Variants in MNAT1 observed in about 807,000 individuals in gnomAD.
MNAT1 encodes the protein MNAT1 component of CDK activating kinase, also known as CDK-activating kinase assembly factor MAT1.
Under a neutral mutation model 42.0 loss-of-function variants are expected in MNAT1, and 43 were observed. The observed-to-expected ratio is 1.02, with a 90% CI of 0.80 to 1.32. The LOEUF (loss-of-function observed/expected upper bound fraction) is 1.32. Among genes scored for constraint, MNAT1 ranks in the 40% most tolerant of loss-of-function variants. The pLI, the probability that MNAT1 is intolerant of heterozygous loss-of-function variation, is 0.00. For synonymous variants in MNAT1, 118 were observed against 120.0 expected, an observed-to-expected ratio of 0.98 and a Z score of 0.11; for missense variants, 306 against 350.4, an observed-to-expected ratio of 0.87 and a Z score of 1.01.
rs557606071 is a variant in MNAT1, at chr14:60,939,236, G to A, written c.810-28993G>A. 6.0e-4 allele frequency among the ~76,000 whole-genome samples: 91 copies of A among 152,272 alleles called. No individual in the cohort carries two copies. In the Middle Eastern group the frequency reaches 0.01, roughly 17 times the overall value. On this transcript the variant is annotated intron_variant, in intron 7 of 7. Coordinates refer to ENST00000261245, the MANE Select transcript of MNAT1 (RefSeq NM_002431.4). ...GTTTTTTGTGTGTCTATCTCCTTCA[G>A]TTCTGCTCTGACTTAGTTATTTCTT...
chr14:60,796,107 G>A (rs1306131459), intron 1 of MNAT1, 110 bp from the exon 2 acceptor site: 1 of 864,466 alleles, frequency 1.2e-6, no homozygotes, highest in Non-Finnish European at 1.6e-6. Context: ...TTAAATAGAA[G>A]TGACTAGTTT....
chr14:60,810,134 G>A (rs1173170451), intron 4 of MNAT1, among the ~76,000 whole-genome samples: 2 of 152,070 alleles, frequency 1.3e-5, no homozygotes, highest in East Asian at 1.9e-4. Context: ...ATATAATTAA[G>A]TGTTGGTGTA....
At chr14:60,861,618 A>G (rs190842097) in intron 6 of MNAT1, among the ~76,000 whole-genome samples, 11 of 152,348 alleles carry the variant, frequency 7.2e-5, no homozygotes, top group African/African-American at 2.2e-4. Context: ...TACACTTGCT[A>G]TTAATGAAAA....
At chr14:60,936,155 T>C (rs1343129887) in intron 7 of MNAT1, among the ~76,000 whole-genome samples, 1 of 152,138 alleles carries the variant, frequency 6.6e-6, no homozygotes, top group Non-Finnish European at 1.5e-5. Flanking sequence ...GGTTCCCTCA[T>C]CTGCACGAAA....
chr14:60,797,647 G>T (rs971278530), intron 2 of MNAT1, among the ~76,000 whole-genome samples: 1 of 152,134 alleles, frequency 6.6e-6, no homozygotes, highest in Non-Finnish European at 1.5e-5. Context: ...AGTGTTTTAG[G>T]CTGGGCGCGG....
intron 1 of MNAT1, among the ~76,000 whole-genome samples, chr14:60,769,194 T>C (rs1489095659): frequency 6.6e-6 from 1 of 152,168 alleles, no homozygotes; most frequent in Non-Finnish European, 1.5e-5. Flanking sequence ...GGCCAGATAT[T>C]GTTGGATCTC....
chr14:60,848,614 T>C (rs939410854), intron 6 of MNAT1, among the ~76,000 whole-genome samples: 1 of 152,158 alleles, frequency 6.6e-6, no homozygotes, highest in Non-Finnish European at 1.5e-5. Context: ...TTTTTTTGTT[T>C]TACTTCATGT....
intron 5 of MNAT1, among the ~76,000 whole-genome samples, chr14:60,816,558 A>C (rs1048329648): frequency 6.6e-5 from 10 of 152,210 alleles, no homozygotes; most frequent in East Asian, 1.9e-4. Flanking sequence ...TATTACAGGC[A>C]GTTCTTACTA....
At chr14:60,772,744 G>T (rs949707073) in intron 1 of MNAT1, among the ~76,000 whole-genome samples, 2 of 151,922 alleles carry the variant, frequency 1.3e-5, no homozygotes, top group Non-Finnish European at 2.9e-5. Context: ...ACGTCTAAAA[G>T]TAAAAAGCTA....
Position 60,925,610 on chromosome 14 carries a change from A to G in MNAT1, c.810-42619A>G, listed in dbSNP as rs143635375. Among the ~76,000 whole-genome samples, 778 of 152,224 alleles carry G rather than the reference A, an allele frequency of 5.1e-3. 10 individuals are homozygous for G. The highest frequency in any genetic ancestry group is 0.017 in the African/African-American group (699 of 41,534). ...CTTAGCAACCTTATCCCTTCCTTAC[A>G]CTTCCTTCCATCAGGTTACATTCAC... is the stretch of plus-strand genomic sequence containing the variant. On this transcript the variant is annotated intron_variant, in intron 7 of 7. Coordinates refer to ENST00000261245, the MANE Select transcript of MNAT1 (RefSeq NM_002431.4).
chr14:60,799,698 A>AT (rs2139332343), intron 3 of MNAT1, among the ~76,000 whole-genome samples: 1 of 148,568 alleles, frequency 6.7e-6, no homozygotes, highest in African/African-American at 2.5e-5. Context: ...ATGATTAAAA[A>AT]AATATATATA....
At chr14:60,928,148 T>A (rs1238300740) in intron 7 of MNAT1, among the ~76,000 whole-genome samples, 1 of 152,210 alleles carries the variant, frequency 6.6e-6, no homozygotes, top group African/African-American at 2.4e-5. Context: ...GTGTCTGGTT[T>A]CTTTCATGTT....
intron 1 of MNAT1, among the ~76,000 whole-genome samples, chr14:60,748,820 CAATT>C (rs1416877431): frequency 6.6e-6 from 1 of 152,002 alleles, no homozygotes; most frequent in Non-Finnish European, 1.5e-5. Flanking sequence ...TATAAAATAA[CAATT>C]AAGAAGTCAC....
chr14:60,826,328 T>C (rs1023824872), intron 6 of MNAT1, among the ~76,000 whole-genome samples: 2 of 147,150 alleles, frequency 1.4e-5, no homozygotes, highest in African/African-American at 5.1e-5. Flanking sequence ...TTTTTTTTTT[T>C]TTTTTTGAGA....
At chr14:60,794,072 A>G (rs1367058668) in intron 1 of MNAT1, among the ~76,000 whole-genome samples, 1 of 152,176 alleles carries the variant, frequency 6.6e-6, no homozygotes, top group Non-Finnish European at 1.5e-5. Flanking sequence ...TGACTAAACT[A>G]TTGATTGAGT....
chr14:60,870,443 A>C (rs893794740), intron 6 of MNAT1, among the ~76,000 whole-genome samples: 2 of 152,180 alleles, frequency 1.3e-5, no homozygotes, highest in African/African-American at 4.8e-5. Flanking sequence ...AGTAACAAAA[A>C]CAGAAAGGGC....
chr14:60,746,665 C>T (rs1013353146), intron 1 of MNAT1, among the ~76,000 whole-genome samples: 6 of 150,596 alleles, frequency 4.0e-5, no homozygotes, highest in South Asian at 2.1e-4. Context: ...TACTTCATTA[C>T]GGATTGCTTA....
chr14:60,923,815 C>CA (rs1210839053), intron 7 of MNAT1, among the ~76,000 whole-genome samples: 2 of 151,856 alleles, frequency 1.3e-5, no homozygotes, highest in Admixed American at 6.6e-5. Flanking sequence ...CTTGTTTCCA[C>CA]AAAAAATAAA....
At chr14:60,799,259 C>G (rs142601039) in intron 3 of MNAT1, 4 of 985,282 alleles carry the variant, frequency 4.1e-6, no homozygotes, top group Non-Finnish European at 4.8e-6. Flanking sequence ...GTTATCTTAG[C>G]AATCATGAGT....
Sources: gnomAD v4.1 joint callset for allele counts (sites outside exome capture counted in the v4.1 genomes callset) on GRCh38, gnomAD v4.1.1 for gene constraint, MANE v1.5 for transcripts, NCBI Gene and HGNC (gene_info 2026-07-23, HGNC 2026-07-21) for gene names.